The following AGBL1 variants were observed in gnomAD, a reference collection of about 807,000 sequenced individuals.
The protein encoded by AGBL1 is cytosolic carboxypeptidase 4.
In AGBL1, 130 loss-of-function variants were observed where a neutral mutation model predicts 118.9. That is an observed-to-expected ratio of 1.09 (90% CI 0.95 to 1.26). The LOEUF (loss-of-function observed/expected upper bound fraction) is 1.26. Among genes scored for constraint, AGBL1 ranks in the 50% most tolerant of loss-of-function variants. The pLI is 0.00. For missense variants in AGBL1, 1,584 were observed against 1,298.1 expected, an observed-to-expected ratio of 1.22 and a Z score of -3.38; for synonymous variants, 555 against 478.9, an observed-to-expected ratio of 1.16 and a Z score of -2.08.
intron 1 of AGBL1, chr15:86,138,278 A>G (rs1472040530): frequency 2.0e-5 from 3 of 152,090 alleles, no homozygotes; most frequent in African/African-American, 7.2e-5. Context: ...TCCCCTTTCA[A>G]CTTGGTTTCT....
chr15:86,579,845 G>A (rs2084149477), intron 21 of AGBL1, among the ~76,000 whole-genome samples: 1 of 152,168 alleles, frequency 6.6e-6, no homozygotes, highest in Non-Finnish European at 1.5e-5. Flanking sequence ...CTGGATAATT[G>A]GTTGGTTGAG....
At chr15:86,483,161 G>A (rs898453941) in intron 18 of AGBL1, among the ~76,000 whole-genome samples, 10 of 152,144 alleles carry the variant, frequency 6.6e-5, no homozygotes, top group South Asian at 2.1e-4. Flanking sequence ...AAAATATGGC[G>A]GCATTGGCAT....
At position 86,885,162 on chromosome 15, in the gene AGBL1, C is replaced by T. The variant is rs148821468; in HGVS notation, c.3159-21925C>T. Among the ~76,000 whole-genome samples, 153 of 152,062 alleles carry T rather than the reference C, an allele frequency of 1.0e-3. 1 individual carries two copies. Among genetic ancestry groups the T allele is most frequent in the East Asian group, 1.7e-3 (9 of 5,172 alleles). On this transcript the variant is annotated intron_variant, in intron 22 of 22. Transcript: ENST00000614907. ...GTTCTTTGTTATGATTCTTATAATA[C>T]AATATCATGGTTTTGTTAAGTATAT...
rs200418196 is a variant in AGBL1 at position 86,961,839 on chromosome 15, C to T, written c.3222-26148C>T. ...TTAGGGTATGCCTAAGATATTGCCTCTCAGGTGCATTTACCATCACCTAGG... is the reference window on the plus strand; with the variant it reads ...TTAGGGTATGCCTAAGATATTGCCTTTCAGGTGCATTTACCATCACCTAGG... On this transcript the variant is annotated intron_variant, in intron 23 of 24. Coordinates refer to the AGBL1 transcript ENST00000441037. Among the ~76,000 whole-genome samples the T allele has an allele frequency of 1.7e-4, 26 of 152,134 alleles. 1 individual carries two copies. The East Asian group carries it at 4.9e-3, about 28-fold the overall frequency.
At chr15:86,181,989 G>GT (rs2077559074) in intron 5 of AGBL1, among the ~76,000 whole-genome samples, 1 of 152,014 alleles carries the variant, frequency 6.6e-6, no homozygotes, top group Non-Finnish European at 1.5e-5. Context: ...ATTGAGGGGA[G>GT]TTTTGACAGA....
intron 22 of AGBL1, among the ~76,000 whole-genome samples, chr15:86,774,421 G>A (rs2078223693): frequency 6.6e-6 from 1 of 152,038 alleles, no homozygotes; most frequent in Admixed American, 6.6e-5. Flanking sequence ...ACATACTTTT[G>A]TTTTATTCAA....
At chr15:87,014,458 A>G (rs2081590606) in intron 24 of AGBL1, among the ~76,000 whole-genome samples, 1 of 152,204 alleles carries the variant, frequency 6.6e-6, no homozygotes, top group African/African-American at 2.4e-5. Flanking sequence ...ATTGTCCCTC[A>G]AGTACTTGGC....
intron 22 of AGBL1, among the ~76,000 whole-genome samples, chr15:86,733,694 A>T (rs1458090531): frequency 6.6e-6 from 1 of 152,196 alleles, no homozygotes; most frequent in African/African-American, 2.4e-5. Flanking sequence ...GCTCGTAACA[A>T]TCTTATGAGG....
At chr15:86,411,084 T>G (rs1413849122) in intron 18 of AGBL1, among the ~76,000 whole-genome samples, 1 of 150,444 alleles carries the variant, frequency 6.6e-6, no homozygotes, top group Non-Finnish European at 1.5e-5. Context: ...CTAATGCCTT[T>G]TTTCCTCATG....
At chr15:86,517,970 A>G (rs569378121) in intron 18 of AGBL1, among the ~76,000 whole-genome samples, 94 of 152,288 alleles carry the variant, frequency 6.2e-4, no homozygotes, top group African/African-American at 2.2e-3. Context: ...TAGGATGTAC[A>G]GTGAATGGCG....
intron 20 of AGBL1, among the ~76,000 whole-genome samples, chr15:86,546,892 G>A (rs1451076748): frequency 1.3e-5 from 2 of 152,118 alleles, no homozygotes; most frequent in Non-Finnish European, 2.9e-5. Context: ...TGTAGAAAAA[G>A]TAGAAAATTA....
chr15:86,526,997 A>G (rs952145699), intron 19 of AGBL1, among the ~76,000 whole-genome samples: 8 of 118 alleles, frequency 0.068, no homozygotes, highest in African/African-American at 0.17. Context: ...TTGAAATTAC[A>G]AAGTTAAAAC....
At chr15:86,497,310 C>A (rs1355909116) in intron 18 of AGBL1, among the ~76,000 whole-genome samples, 3 of 151,874 alleles carry the variant, frequency 2.0e-5, no homozygotes, top group African/African-American at 4.8e-5. Context: ...CTGAAAATGT[C>A]TTTATTTCAT....
At chr15:86,686,235 G>A (rs1173180701) in intron 22 of AGBL1, among the ~76,000 whole-genome samples, 1 of 152,070 alleles carries the variant, frequency 6.6e-6, no homozygotes, top group Non-Finnish European at 1.5e-5. Flanking sequence ...GGCCTGGAGA[G>A]TTTGAATTGA....
intron 21 of AGBL1, among the ~76,000 whole-genome samples, chr15:86,655,598 C>T (rs2085450309): frequency 6.6e-6 from 1 of 152,096 alleles, no homozygotes; most frequent in African/African-American, 2.4e-5. Flanking sequence ...GAAAGGACTT[C>T]CTCCCCATCA....
chr15:86,835,693 G>A (rs1277263967), intron 22 of AGBL1, among the ~76,000 whole-genome samples: 2 of 152,126 alleles, frequency 1.3e-5, no homozygotes, highest in Admixed American at 1.3e-4. Context: ...GGGTAAAAGT[G>A]ATGAATAGTT....
At chr15:86,234,598 A>G (rs966425944) in intron 6 of AGBL1, among the ~76,000 whole-genome samples, 1 of 150,748 alleles carries the variant, frequency 6.6e-6, no homozygotes, top group East Asian at 1.9e-4. Context: ...GGAGAATAGC[A>G]CTTGCTCAGT....
At chr15:86,486,260 C>G (rs2082711800) in intron 18 of AGBL1, among the ~76,000 whole-genome samples, 2 of 152,078 alleles carry the variant, frequency 1.3e-5, no homozygotes, top group Non-Finnish European at 2.9e-5. Context: ...CTCTCGATTT[C>G]TTGGCTTACG....
At chr15:86,916,777 A>G (rs566254249), downstream of AGBL1, among the ~76,000 whole-genome samples, 1 of 152,082 alleles carries the variant, frequency 6.6e-6, no homozygotes, top group Non-Finnish European at 1.5e-5. Flanking sequence ...TGCAGAGAAC[A>G]CCAGCAGGCC....
Sources: allele counts gnomAD v4.1 joint callset (sites outside exome capture counted in the v4.1 genomes callset), GRCh38; gene constraint gnomAD v4.1.1; transcripts MANE v1.5; gene names NCBI Gene and HGNC (gene_info 2026-07-23, HGNC 2026-07-21).